Variants in MGAT4C observed in about 807,000 individuals in gnomAD.
MGAT4C encodes the protein alpha-1,3-mannosyl-glycoprotein 4-beta-N-acetylglucosaminyltransferase C.
A neutral mutation model predicts 40.1 loss-of-function variants in MGAT4C; 19 were observed. That is an observed-to-expected ratio of 0.47 (90% confidence interval 0.33 to 0.70). The LOEUF (loss-of-function observed/expected upper bound fraction) is 0.70, where lower values mean the gene tolerates loss of function less well. MGAT4C is among the 30% of genes least tolerant of loss of function. The pLI is 0.02. For synonymous variants in MGAT4C, 181 were observed against 187.1 expected, an observed-to-expected ratio of 0.97 and a Z score of 0.27; for missense variants, 491 against 563.2, an observed-to-expected ratio of 0.87 and a Z score of 1.30.
intron 1 of MGAT4C, among the ~76,000 whole-genome samples, chr12:86,093,369 T>C (rs1873234269): frequency 6.6e-6 from 1 of 152,180 alleles, no homozygotes; most frequent in Non-Finnish European, 1.5e-5. Context: ...TTCTATCTAA[T>C]ACTTTGACAG....
chr12:85,979,732 C>G lies in MGAT4C; in HGVS notation c.994G>C (p.Glu332Gln). The G allele has an allele frequency of 6.2e-7, 1 of 1,613,510 alleles. No homozygotes were observed. Among genetic ancestry groups the G allele is most frequent in the Non-Finnish European group, 8.5e-7 (1 of 1,179,784 alleles). The change falls in exon 5 of 5, where the codon GAG becomes CAG. Residue 332 changes from glutamate to glutamine, a missense_variant. Coordinates refer to ENST00000611864, the MANE Select transcript of MGAT4C (RefSeq NM_001351288.2). ...ENKLKDDDFE[E>Q]ESFDIPDNPP... ...TTATCAGGAATGTCAAATGACTCCT[C>G]TTCAAAATCATCATCCTTCAGCTTA...
chr12:86,084,829 G>C (rs146877135), intron 1 of MGAT4C, among the ~76,000 whole-genome samples: 20 of 152,024 alleles, frequency 1.3e-4, no homozygotes, highest in African/African-American at 4.6e-4. Context: ...GCTGGATTTT[G>C]TTTGGAATGA....
chr12:86,388,675 G>GTTTTTTTTTT (rs752469980), intron 3 of MGAT4C, among the ~76,000 whole-genome samples: 8 of 98,742 alleles, frequency 8.1e-5, no homozygotes, highest in African/African-American at 1.4e-4. Context: ...AGCGTTTTTT[G>GTTTTTTTTTT]TTTTTTTTTT....
chr12:86,686,780 A>G (rs1248732324), intron 2 of MGAT4C, among the ~76,000 whole-genome samples: 1 of 152,210 alleles, frequency 6.6e-6, no homozygotes, highest in Non-Finnish European at 1.5e-5. Flanking sequence ...CATCGGAGAT[A>G]CTGGCCTGAA....
chr12:86,631,189 A>T (rs139853929), intron 2 of MGAT4C, among the ~76,000 whole-genome samples: 11 of 152,152 alleles, frequency 7.2e-5, no homozygotes, highest in Non-Finnish European at 1.6e-4. Context: ...TAGGAATCCA[A>T]CTTACAAAGG....
At chr12:86,323,170 T>C (rs1954437842) in intron 4 of MGAT4C, among the ~76,000 whole-genome samples, 1 of 151,438 alleles carries the variant, frequency 6.6e-6, no homozygotes, top group East Asian at 1.9e-4. Flanking sequence ...TGCTGTTTAG[T>C]GATATACTCC....
chr12:86,754,494 T>C (rs1184090714), intron 1 of MGAT4C, among the ~76,000 whole-genome samples: 1 of 152,112 alleles, frequency 6.6e-6, no homozygotes, highest in Non-Finnish European at 1.5e-5. Flanking sequence ...CAATTATATC[T>C]CAATAAAGCT....
chr12:86,513,878 A>T (rs1958636549), intron 2 of MGAT4C, among the ~76,000 whole-genome samples: 1 of 152,076 alleles, frequency 6.6e-6, no homozygotes, highest in African/African-American at 2.4e-5. Context: ...GATTTAGAAA[A>T]CAACAGTTCC....
chr12:86,626,242 G>A (rs1200751636), intron 2 of MGAT4C, among the ~76,000 whole-genome samples: 1 of 152,040 alleles, frequency 6.6e-6, no homozygotes, highest in Non-Finnish European at 1.5e-5. Flanking sequence ...AAGTACACAG[G>A]AGTCATACAC....
intron 1 of MGAT4C, among the ~76,000 whole-genome samples, chr12:86,832,619 G>T (rs548329613): frequency 2.0e-5 from 3 of 151,846 alleles, no homozygotes; most frequent in East Asian, 1.9e-4. Flanking sequence ...CTATGTAATA[G>T]ATATTTTTCT....
chr12:86,412,293 G>C (rs151143895), intron 3 of MGAT4C, among the ~76,000 whole-genome samples: 2 of 152,298 alleles, frequency 1.3e-5, no homozygotes, highest in African/African-American at 2.4e-5. Context: ...CTTGCACCAT[G>C]CACCTGGAAA....
chr12:86,403,644 A>G (rs1014196024), intron 3 of MGAT4C, among the ~76,000 whole-genome samples: 2 of 152,338 alleles, frequency 1.3e-5, no homozygotes, highest in East Asian at 3.9e-4. Context: ...TTTTAAGAAG[A>G]GAAGTAATAG....
At chr12:86,355,374 G>A (rs534126270) in intron 3 of MGAT4C, among the ~76,000 whole-genome samples, 1 of 151,446 alleles carries the variant, frequency 6.6e-6, no homozygotes, top group African/African-American at 2.4e-5. Flanking sequence ...AAAAAAGTTA[G>A]TCAAAAAATA....
rs548239948 is a variant in MGAT4C at position 86,609,420 on chromosome 12, T to C, written c.-229+117789A>G. On this transcript the variant is annotated intron_variant, in intron 2 of 7. Coordinates refer to the MGAT4C transcript ENST00000548651. Reference sequence around the variant, plus strand: ...CCGTGGAAGCTGCATTAACTCTTCATGAGAAGACTGTTACTTTTCTGTCCT... The same window carrying C: ...CCGTGGAAGCTGCATTAACTCTTCACGAGAAGACTGTTACTTTTCTGTCCT... 1.8e-4 allele frequency among the ~76,000 whole-genome samples: 27 copies of C among 152,182 alleles called. No homozygotes were observed. The South Asian group carries it at 1.9e-3, about 11-fold the overall frequency.
intron 2 of MGAT4C, among the ~76,000 whole-genome samples, chr12:86,697,761 T>A (rs957307417): frequency 6.6e-6 from 1 of 152,086 alleles, no homozygotes; most frequent in African/African-American, 2.4e-5. Flanking sequence ...ACAATGATGA[T>A]GACAGTGACA....
At chr12:86,723,256 T>G (rs970212713) in intron 2 of MGAT4C, among the ~76,000 whole-genome samples, 1 of 152,196 alleles carries the variant, frequency 6.6e-6, no homozygotes, top group African/African-American at 2.4e-5. Flanking sequence ...TAAGCCACTG[T>G]GGATGTTATG....
At chr12:86,620,690 T>G (rs990775249) in intron 2 of MGAT4C, among the ~76,000 whole-genome samples, 4 of 152,182 alleles carry the variant, frequency 2.6e-5, no homozygotes, top group African/African-American at 9.6e-5. Flanking sequence ...GATTTGGCTA[T>G]GTGTTCCCAC....
At chr12:86,737,638 AG>A (rs1951008055) in intron 1 of MGAT4C, among the ~76,000 whole-genome samples, 1 of 151,294 alleles carries the variant, frequency 6.6e-6, no homozygotes, top group South Asian at 2.1e-4. Context: ...CAACTACATA[AG>A]CTAGTTATAT....
chr12:86,677,136 T>C (rs1321005609), intron 2 of MGAT4C, among the ~76,000 whole-genome samples: 3 of 152,128 alleles, frequency 2.0e-5, no homozygotes, highest in Non-Finnish European at 4.4e-5. Context: ...AGTTGCAACT[T>C]TTTTAACCAA....
Sources: gnomAD v4.1 joint callset for allele counts (sites outside exome capture counted in the v4.1 genomes callset) on GRCh38, gnomAD v4.1.1 for gene constraint, MANE v1.5 for transcripts, NCBI Gene and HGNC (gene_info 2026-07-23, HGNC 2026-07-21) for gene names.